Variants in FBXW4 observed in about 807,000 individuals in gnomAD.
FBXW4 encodes the protein F-box and WD repeat domain containing 4, also known as F-box/WD repeat-containing protein 4.
Under a neutral mutation model 61.8 loss-of-function variants are expected in FBXW4, and 40 were observed. The ratio of observed to expected loss-of-function variants is 0.65; its 90% CI spans 0.50 to 0.84. The LOEUF (loss-of-function observed/expected upper bound fraction) is 0.84. Among genes scored for constraint, FBXW4 ranks in the 40% least tolerant of loss-of-function variants. FBXW4 has a pLI of 0.00. For missense variants in FBXW4, 672 were observed against 753.8 expected, an observed-to-expected ratio of 0.89 and a Z score of 1.27; for synonymous variants, 311 against 313.8, an observed-to-expected ratio of 0.99 and a Z score of 0.10.
Position 101,694,340 on chromosome 10 carries a change from C to T in FBXW4, c.725+41G>A, listed in dbSNP as rs766902317. 12 of 1,342,604 alleles carry T rather than the reference C, an allele frequency of 8.9e-6. No homozygotes were observed. The East Asian group carries it at 2.2e-4, about 24-fold the overall frequency. The allele number at this position is 1,342,604 out of a possible 1,614,324, so 83.2% of individuals were successfully genotyped here. On this transcript the variant is annotated intron_variant, in intron 1 of 8. Coordinates refer to ENST00000331272, the MANE Select transcript of FBXW4 (RefSeq NM_022039.4). The surrounding 1 kb of genome is among the most constrained non-coding windows in gnomAD (Gnocchi z 6.0). Reference sequence around the variant, plus strand: ...CCCCGCCCTTTCCCGGGACGCGGGGCCGGCTCGGGGCGGGGAGCGGGCGGG... The same window carrying T: ...CCCCGCCCTTTCCCGGGACGCGGGGTCGGCTCGGGGCGGGGAGCGGGCGGG...
chr10:101,641,166 T>C (rs1235391133), intron 5 of FBXW4, among the ~76,000 whole-genome samples: 1 of 144,628 alleles, frequency 6.9e-6, no homozygotes, highest in African/African-American at 2.9e-5. Flanking sequence ...ATGCCAGGCA[T>C]TTAAGAGATA....
intron 5 of FBXW4, among the ~76,000 whole-genome samples, chr10:101,655,489 C>T (rs903235049): frequency 6.6e-6 from 1 of 152,180 alleles, no homozygotes; most frequent in Non-Finnish European, 1.5e-5. Context: ...ACTTCAAAGG[C>T]ATTAACACAT....
chr10:101,612,307 C>G (rs377127804), intron 7 of FBXW4, 30 bp downstream of exon 7: 7 of 1,507,586 alleles, frequency 4.6e-6, no homozygotes, highest in Non-Finnish European at 6.2e-6. Flanking sequence ...AGGGCCCCCA[C>G]CACCTGTCCT....
intron 5 of FBXW4, among the ~76,000 whole-genome samples, chr10:101,655,239 A>T (rs560061722): frequency 4.6e-5 from 7 of 152,222 alleles, no homozygotes; most frequent in African/African-American, 7.2e-5. Flanking sequence ...AAAGGTTTTC[A>T]TGTTTTAATT....
chr10:101,638,773 C>T (rs549074577), intron 5 of FBXW4, among the ~76,000 whole-genome samples: 2 of 152,222 alleles, frequency 1.3e-5, no homozygotes, highest in Non-Finnish European at 2.9e-5. Context: ...TGGCTCCATC[C>T]GGGACTTGAC....
chr10:101,683,107 A>T (rs547592349), intron 1 of FBXW4, among the ~76,000 whole-genome samples: 1 of 152,304 alleles, frequency 6.6e-6, no homozygotes, highest in African/African-American at 2.4e-5. Context: ...GGGTCAGGAG[A>T]ACAAGGCAGC....
At chr10:101,668,030 G>T in intron 4 of FBXW4, 50 bp from the exon 5 acceptor site, 1 of 1,417,562 alleles carries the variant, frequency 7.1e-7, no homozygotes, top group Non-Finnish European at 1.0e-6. Flanking sequence ...GGGATCAGTG[G>T]GGAGGAGAGG....
At chr10:101,647,984 G>A (rs991449881) in intron 5 of FBXW4, among the ~76,000 whole-genome samples, 13 of 152,190 alleles carry the variant, frequency 8.5e-5, no homozygotes, top group Admixed American at 5.2e-4. Flanking sequence ...TGCAGGGAGG[G>A]AGATAAAAAT....
At chr10:101,659,769 T>C (rs560118798) in intron 5 of FBXW4, among the ~76,000 whole-genome samples, 15 of 152,362 alleles carry the variant, frequency 9.8e-5, no homozygotes, top group South Asian at 8.3e-4. Flanking sequence ...ACAAGGTACA[T>C]GCAGAGCTAG....
At chr10:101,656,683 G>C (rs1285078535) in intron 5 of FBXW4, among the ~76,000 whole-genome samples, 2 of 152,200 alleles carry the variant, frequency 1.3e-5, no homozygotes, top group Admixed American at 6.5e-5. Flanking sequence ...TTATGGCTTT[G>C]CTGTGGGAAG....
chr10:101,682,222 C>G (rs1464560965), intron 1 of FBXW4, among the ~76,000 whole-genome samples: 1 of 152,144 alleles, frequency 6.6e-6, no homozygotes, highest in Non-Finnish European at 1.5e-5. Flanking sequence ...CAATATCAAA[C>G]ATTTGTTATT....
At chr10:101,624,214 T>G (rs1407872072) in intron 6 of FBXW4, among the ~76,000 whole-genome samples, 1 of 152,072 alleles carries the variant, frequency 6.6e-6, no homozygotes, top group Non-Finnish European at 1.5e-5. Flanking sequence ...CAAACACCTT[T>G]CCATCTTATT....
rs1356255775 is a variant in FBXW4, at chr10:101,634,959, T to C, written c.1236-10149A>G. ...CAACAAGCTGAAAGGAATTACCATA[T>C]ACAGCAGGGGTCTCCAACCCCCAGG... On this transcript the variant is annotated intron_variant, in intron 5 of 8. Coordinates refer to ENST00000331272, the MANE Select transcript of FBXW4 (RefSeq NM_022039.4). 1.3e-5 allele frequency among the ~76,000 whole-genome samples: 2 copies of C among 149,000 alleles called. 1 individual carries two copies. Among genetic ancestry groups the C allele is most frequent in the Non-Finnish European group, 3.0e-5 (2 of 67,198 alleles).
rs886046645 is a variant in FBXW4 at position 101,694,697 on chromosome 10, T to C, written c.409A>G (p.Arg137Gly). 1 of 1,376,278 alleles carries C rather than the reference T, an allele frequency of 7.3e-7. No homozygotes were observed. Among genetic ancestry groups the C allele is most frequent in the Non-Finnish European group, 9.3e-7 (1 of 1,073,168 alleles). 85.3% of individuals were successfully genotyped at this position (1,376,278 alleles called of 1,614,324 possible). A position where few individuals can be genotyped will look rare whatever the true frequency, so the allele number is the denominator to read the frequency against. The change falls in exon 1 of 9, where the codon AGA becomes GGA. Residue 137 changes from arginine (R) to glycine (G), a missense_variant. This residue lies in a region of FBXW4 where 311 missense variants were observed against 301.1 expected (regional missense o/e 1.03). Coordinates refer to ENST00000331272, the MANE Select transcript of FBXW4 (RefSeq NM_022039.4). This position sits in a 1 kb window ranked among gnomAD's most constrained non-coding sequence, Gnocchi z 6.0. ...ARRREGARPG[R>G]AQGRGGQAWA... ...GCCTGACCCCCTCGTCCCTGTGCTCTTCCCGGCCTGGCGCCCTCCCGCCGC... is the reference window on the plus strand; with the variant it reads ...GCCTGACCCCCTCGTCCCTGTGCTCCTCCCGGCCTGGCGCCCTCCCGCCGC...
intron 6 of FBXW4, among the ~76,000 whole-genome samples, chr10:101,622,074 G>GA (rs1339890475): frequency 7.0e-6 from 1 of 142,006 alleles, no homozygotes; most frequent in Non-Finnish European, 1.5e-5. Flanking sequence ...AATGTTGAAG[G>GA]AAAAAAACCA....
chr10:101,686,190 G>T (rs2064531550), intron 1 of FBXW4, among the ~76,000 whole-genome samples: 3 of 152,140 alleles, frequency 2.0e-5, no homozygotes. Context: ...TGACCAGTAT[G>T]TGTGTTCTGC....
intron 5 of FBXW4, among the ~76,000 whole-genome samples, chr10:101,652,066 TTCTC>T (rs762563151): frequency 5.9e-5 from 9 of 151,640 alleles, no homozygotes; most frequent in Admixed American, 5.9e-4. Flanking sequence ...TCAATAAAAT[TTCTC>T]TCTCTGATTC....
At chr10:101,685,947 C>T (rs2064529320) in intron 1 of FBXW4, among the ~76,000 whole-genome samples, 1 of 152,202 alleles carries the variant, frequency 6.6e-6, no homozygotes, top group Non-Finnish European at 1.5e-5. Context: ...ACCACATCTT[C>T]AAGAATTCAA....
intron 1 of FBXW4, among the ~76,000 whole-genome samples, chr10:101,689,167 A>G (rs1362885626): frequency 6.6e-6 from 1 of 152,338 alleles, no homozygotes; most frequent in African/African-American, 2.4e-5. Flanking sequence ...GAGTACCGAA[A>G]TATTTTCAGA....
Sources: gnomAD v4.1 joint callset for allele counts (sites outside exome capture counted in the v4.1 genomes callset) on GRCh38, gnomAD v4.1.1 for gene constraint, gnomAD v4.1.1 regional missense constraint, Gnocchi (gnomAD v3.1) non-coding constraint, MANE v1.5 for transcripts, NCBI Gene and HGNC (gene_info 2026-07-23, HGNC 2026-07-21) for gene names.